NLRP5: variants seen among roughly 807,000 people sequenced by gnomAD.
NLRP5 encodes NLR family pyrin domain containing 5.
Under a neutral mutation model 113.1 loss-of-function variants are expected in NLRP5, and 93 were observed. The observed-to-expected ratio is 0.82, with a 90% CI of 0.70 to 0.98. The LOEUF is 0.98. Ranked by LOEUF, NLRP5 falls within the 50% of genes least tolerant of loss-of-function variation. The probability of loss-of-function intolerance (pLI) is 0.00; values close to 1 mark genes in which losing one functional copy is unlikely to be tolerated. For synonymous variants in NLRP5, 751 were observed against 600.7 expected (o/e 1.25, Z -3.66); for missense variants, 1,808 against 1,514.3 (o/e 1.19, Z -3.22).
At chr19:55,989,227 A>G in the NLRP5 span, among the ~76,000 whole-genome samples, 1 of 152,110 alleles carries the variant, frequency 6.6e-6, no homozygotes, top group African/African-American at 2.4e-5. Flanking sequence ...ATGATTTTTT[A>G]ATGGGAGGTA....
chr19:56,037,613 A>G (rs1027940198), intron 9 of NLRP5, among the ~76,000 whole-genome samples: 11 of 151,242 alleles, frequency 7.3e-5, no homozygotes, highest in Admixed American at 2.0e-4. Context: ...GACTCGCTTC[A>G]ATCCGGGAGA....
At chr19:56,029,457 G>A (rs1189415320) in intron 7 of NLRP5, among the ~76,000 whole-genome samples, 1 of 151,294 alleles carries the variant, frequency 6.6e-6, no homozygotes, top group Admixed American at 6.6e-5. Context: ...GTAGAGACAG[G>A]GTTTCACCAT....
At chr19:56,006,376 TAACA>T (rs1981912819) in intron 2 of NLRP5, among the ~76,000 whole-genome samples, 1 of 152,130 alleles carries the variant, frequency 6.6e-6, no homozygotes, top group African/African-American at 2.4e-5. Flanking sequence ...TATACATATG[TAACA>T]AACCTGCACA....
In NLRP5 at chr19:56,027,389, C is replaced by T. The variant is rs1474029776; in HGVS notation, c.1156C>T (p.Pro386Ser). The T allele has an allele frequency of 1.1e-5, 18 of 1,613,390 alleles. No homozygotes were observed. The highest frequency in any genetic ancestry group is 1.7e-5 in the Admixed American group (1 of 59,922). The change falls in exon 7 of 15, where the codon CCT becomes TCT. Residue 386 changes from proline to serine, a missense_variant. Physicochemically the swap from Pro to Ser is moderately conservative, Grantham distance 74. Transcript: ENST00000390649. Reference sequence around the variant, plus strand: ...CTGCAAAGACTGGGCTGAGAAGCAGCCTCCGTTCACCCTCATACGCAGTCT... The same window carrying T: ...CTGCAAAGACTGGGCTGAGAAGCAGTCTCCGTTCACCCTCATACGCAGTCT...
the NLRP5 span, chr19:55,988,554 CTTTA>C: frequency 4.7e-5 from 7 of 150,134 alleles, no homozygotes; most frequent in African/African-American, 1.2e-4. Context: ...CTTCTTCTAC[CTTTA>C]TTTATTCTCA....
rs1173746273 is a variant in NLRP5 at position 56,005,107 on chromosome 19, A to AAG, written c.442+1013_442+1014insGA. 3.9e-3 allele frequency among the ~76,000 whole-genome samples: 374 copies of AAG among 95,324 alleles called. 12 individuals are homozygous for AAG. Among genetic ancestry groups the AAG allele is most frequent in the African/African-American group, 0.014 (365 of 25,816 alleles). The allele number at this position is 95,324 out of a possible 152,430, so 62.5% of individuals were successfully genotyped here. A position where few individuals can be genotyped will look rare whatever the true frequency, so the allele number is the denominator to read the frequency against. On this transcript the variant is annotated intron_variant, in intron 2 of 14. Transcript: ENST00000390649. Reference sequence around the variant, plus strand: ...AGACTGTGTCTCAAAAAAAAAAAAAAATATATATATATATATATAATATAT... The same window carrying AAG: ...AGACTGTGTCTCAAAAAAAAAAAAAAAGATATATATATATATATATAATATAT...
At chr19:56,032,444 C>T (rs388295) in intron 7 of NLRP5, among the ~76,000 whole-genome samples, 167 bp from the exon 8 acceptor site, 5 of 151,852 alleles carry the variant, frequency 3.3e-5, no homozygotes, top group African/African-American at 7.3e-5. Flanking sequence ...GGGTGGACAC[C>T]GGGCTAGTCA....
Position 56,058,670 on chromosome 19 carries a change from A to G in NLRP5, c.3470+260A>G, listed in dbSNP as rs982564308. ...GAAGGGCACAGAAAGAACGTTATAA[A>G]TGTTTATGCTGAAAAAACTAGAATT... On this transcript the variant is annotated intron_variant, in intron 14 of 14. Transcript: ENST00000390649. Among the ~76,000 whole-genome samples, 50 of 152,186 alleles carry G rather than the reference A, an allele frequency of 3.3e-4. 1 individual carries two copies. The highest frequency in any genetic ancestry group is 2.9e-3 in the Admixed American group (45 of 15,272).
chr19:56,026,671 C>T (rs12983810), intron 6 of NLRP5, among the ~76,000 whole-genome samples: 82,227 of 150,510 alleles, frequency 0.55, 22,725 homozygotes, highest in East Asian at 0.61. Flanking sequence ...TTCCATCTCC[C>T]GGGTTCAAGC....
chr19:56,025,492 A>G (rs1235805524), intron 6 of NLRP5, among the ~76,000 whole-genome samples: 1 of 151,214 alleles, frequency 6.6e-6, no homozygotes, highest in Non-Finnish European at 1.5e-5. Context: ...TGCAAGCTCC[A>G]CCTTCTGCGT....
upstream of NLRP5, among the ~76,000 whole-genome samples, chr19:55,997,199 G>A (rs902806036): frequency 7.9e-5 from 12 of 151,736 alleles, no homozygotes; most frequent in Non-Finnish European, 1.5e-4. Flanking sequence ...TTTTTTTCTT[G>A]TAAATGTTGA....
At chr19:56,050,271 C>G in intron 11 of NLRP5, 147 bp from the exon 12 acceptor site, 1 of 623,094 alleles carries the variant, frequency 1.6e-6, no homozygotes, top group African/African-American at 2.3e-5. Flanking sequence ...CAGAGCAAGA[C>G]TCCTCAAAAA....
At chr19:56,017,649 T>C (rs1007683176) in intron 4 of NLRP5, among the ~76,000 whole-genome samples, 2 of 152,226 alleles carry the variant, frequency 1.3e-5, no homozygotes, top group African/African-American at 4.8e-5. Flanking sequence ...AACATAAACT[T>C]GAAGCATGTT....
the NLRP5 span, chr19:55,987,970 G>A: frequency 3.7e-6 from 5 of 1,353,336 alleles, no homozygotes; most frequent in Admixed American, 6.7e-5. Flanking sequence ...CTGACAACTG[G>A]CAAATACCAG....
At chr19:56,060,865 A>G (rs904329214) in intron 14 of NLRP5, among the ~76,000 whole-genome samples, 1 of 152,162 alleles carries the variant, frequency 6.6e-6, no homozygotes, top group African/African-American at 2.4e-5. Context: ...TTGCAGGTCA[A>G]CTCACAAGGA....
At chr19:56,009,893 G>A (rs1182141039) in intron 3 of NLRP5, among the ~76,000 whole-genome samples, 1 of 152,116 alleles carries the variant, frequency 6.6e-6, no homozygotes, top group Non-Finnish European at 1.5e-5. Context: ...TGAATCAGAG[G>A]CTCTGAATCC....
chr19:56,005,128 T>A (rs1297895649), intron 2 of NLRP5, among the ~76,000 whole-genome samples: 3 of 143,996 alleles, frequency 2.1e-5, no homozygotes, highest in African/African-American at 7.6e-5. Flanking sequence ...ATATATATAA[T>A]ATATACACAC....
At chr19:55,988,178 G>C in the NLRP5 span, 1 of 238,690 alleles carries the variant, frequency 4.2e-6, no homozygotes, top group African/African-American at 2.3e-5. Flanking sequence ...GATTACCTGA[G>C]GTCAGGAGTT....
intron 2 of NLRP5, among the ~76,000 whole-genome samples, chr19:56,006,572 A>G (rs1169427113): frequency 6.6e-6 from 1 of 151,752 alleles, no homozygotes; most frequent in East Asian, 2.0e-4. Context: ...TCTCTACTAA[A>G]AATACAAAAA....
Sources: allele counts gnomAD v4.1 joint callset (sites outside exome capture counted in the v4.1 genomes callset), GRCh38; gene constraint gnomAD v4.1.1; transcripts MANE v1.5; gene names NCBI Gene and HGNC (gene_info 2026-07-23, HGNC 2026-07-21).